Variants in RBFOX1 observed in about 807,000 individuals in gnomAD.
The protein encoded by RBFOX1 is RNA binding protein fox-1 homolog 1.
A neutral mutation model predicts 57.7 loss-of-function variants in RBFOX1; 8 were observed. The observed-to-expected ratio is 0.14, with a 90% CI of 0.08 to 0.25. The LOEUF (loss-of-function observed/expected upper bound fraction) is 0.25, where lower values mean the gene tolerates loss of function less well. RBFOX1 is among the 10% of genes least tolerant of loss of function. The pLI is 1.00. For missense variants in RBFOX1, 611 were observed against 548.5 expected (o/e 1.11, Z -1.14); for synonymous variants, 326 against 222.4 (o/e 1.47, Z -4.15).
In RBFOX1 at chr16:6,509,008, G is replaced by C. The variant is rs577936250; in HGVS notation, c.-63-145595G>C. On this transcript the variant is annotated intron_variant, in intron 2 of 15. Coordinates refer to ENST00000550418, the MANE Select transcript of RBFOX1 (RefSeq NM_018723.4). ...TTTGTAGGATTTAATTTTAATGGCAGTTAAGATCACCCTTCTTCATGGCAC... is the reference window on the plus strand; with the variant it reads ...TTTGTAGGATTTAATTTTAATGGCACTTAAGATCACCCTTCTTCATGGCAC... 1.3e-3 allele frequency among the ~76,000 whole-genome samples: 204 copies of C among 152,298 alleles called. 1 individual carries two copies. Among genetic ancestry groups the C allele is most frequent in the Middle Eastern group, 3.4e-3 (1 of 294 alleles).
At chr16:7,526,067 G>C (rs903108791) in intron 5 of RBFOX1, among the ~76,000 whole-genome samples, 2 of 152,196 alleles carry the variant, frequency 1.3e-5, no homozygotes, top group Admixed American at 6.5e-5. Flanking sequence ...CCTCCTGTCA[G>C]ATCAACAATG....
At chr16:6,791,959 T>G (rs2083049456) in intron 3 of RBFOX1, among the ~76,000 whole-genome samples, 1 of 152,212 alleles carries the variant, frequency 6.6e-6, no homozygotes, top group East Asian at 1.9e-4. Flanking sequence ...CGAATTCTAT[T>G]CCCAAATGTG....
intron 2 of RBFOX1, among the ~76,000 whole-genome samples, chr16:6,550,704 C>A (rs1229507235): frequency 6.6e-6 from 1 of 152,210 alleles, no homozygotes; most frequent in Admixed American, 6.5e-5. Context: ...TCTTCTGCAT[C>A]CCCACTGAAA....
intron 2 of RBFOX1, among the ~76,000 whole-genome samples, chr16:5,546,236 A>G (rs8055180): frequency 0.66 from 100,850 of 152,054 alleles, 34,924 homozygotes; most frequent in East Asian, 0.99. Flanking sequence ...TAAGGTGTCA[A>G]TTCTCCCAAA....
At chr16:7,229,687 GAAGGAAGAGGGGAA>G (rs2152907190) in intron 4 of RBFOX1, among the ~76,000 whole-genome samples, 1 of 87,104 alleles carries the variant, frequency 1.1e-5, no homozygotes, top group Non-Finnish European at 2.7e-5. Context: ...GGAGAGAGAC[GAAGGAAGAGGGGAA>G]GGAAGGAAGG....
At chr16:6,846,044 A>G (rs937937518) in intron 3 of RBFOX1, among the ~76,000 whole-genome samples, 8 of 152,198 alleles carry the variant, frequency 5.3e-5, no homozygotes, top group South Asian at 2.1e-4. Context: ...CTGTCCCTCA[A>G]CAAGCACATC....
At chr16:7,688,260 T>TGTGTGTGTGTGTGTGTGA (rs1319185243) in intron 14 of RBFOX1, among the ~76,000 whole-genome samples, 2 of 125,296 alleles carry the variant, frequency 1.6e-5, no homozygotes, top group African/African-American at 5.9e-5. Flanking sequence ...TGTGTGTGTG[T>TGTGTGTGTGTGTGTGTGA]GAGAGAGAGA....
intron 2 of RBFOX1, among the ~76,000 whole-genome samples, chr16:6,488,430 C>T (rs965813846): frequency 2.0e-5 from 3 of 152,332 alleles, no homozygotes; most frequent in African/African-American, 7.2e-5. Flanking sequence ...TTCCCGGGCA[C>T]TTACTGACTC....
At chr16:5,715,404 G>T (rs2051658292) in intron 3 of RBFOX1, among the ~76,000 whole-genome samples, 1 of 152,166 alleles carries the variant, frequency 6.6e-6, no homozygotes, top group Non-Finnish European at 1.5e-5. Flanking sequence ...GGGACATTCA[G>T]TTGACATGCA....
chr16:7,202,881 G>T (rs1437601957), intron 4 of RBFOX1, among the ~76,000 whole-genome samples: 2 of 152,160 alleles, frequency 1.3e-5, no homozygotes, highest in African/African-American at 4.8e-5. Context: ...CTGAAGTACA[G>T]CCTCAAAGAA....
intron 4 of RBFOX1, among the ~76,000 whole-genome samples, chr16:7,352,820 A>G (rs547637306): frequency 1.6e-3 from 239 of 152,120 alleles, no homozygotes; most frequent in African/African-American, 5.6e-3. Context: ...GGTTCAGGTG[A>G]TCCTCCCACC....
At chr16:6,733,424 C>T (rs993434852) in intron 3 of RBFOX1, among the ~76,000 whole-genome samples, 2 of 152,172 alleles carry the variant, frequency 1.3e-5, no homozygotes, top group African/African-American at 2.4e-5. Flanking sequence ...CCCACTCAGT[C>T]CTACAGCCTT....
intron 3 of RBFOX1, among the ~76,000 whole-genome samples, chr16:6,732,093 T>C (rs1324304584): frequency 6.6e-6 from 1 of 152,208 alleles, no homozygotes; most frequent in Non-Finnish European, 1.5e-5. Context: ...CCTTCATTTC[T>C]CTTTCAGTCT....
chr16:6,941,849 C>G (rs575395721), intron 3 of RBFOX1, among the ~76,000 whole-genome samples: 7 of 152,152 alleles, frequency 4.6e-5, no homozygotes, highest in African/African-American at 1.4e-4. Flanking sequence ...TAACTCTTTC[C>G]CATCTGGAGT....
intron 1 of RBFOX1, among the ~76,000 whole-genome samples, chr16:5,240,423 C>A (rs947110930): frequency 6.6e-6 from 1 of 152,088 alleles, no homozygotes; most frequent in South Asian, 2.1e-4. Context: ...GCGGGGGTTG[C>A]GCTGGGCATC....
At chr16:6,781,192 A>G (rs992376605) in intron 3 of RBFOX1, among the ~76,000 whole-genome samples, 2 of 152,082 alleles carry the variant, frequency 1.3e-5, no homozygotes, top group African/African-American at 4.8e-5. Context: ...ATAGGGACAT[A>G]GTGTTTGGTC....
chr16:7,287,853 C>T (rs2095680951), intron 4 of RBFOX1, among the ~76,000 whole-genome samples: 2 of 152,162 alleles, frequency 1.3e-5, no homozygotes, highest in Admixed American at 1.3e-4. Flanking sequence ...ATATTACCTT[C>T]CCCCACCCAT....
intron 1 of RBFOX1, among the ~76,000 whole-genome samples, chr16:5,455,691 A>G (rs1005472824): frequency 2.6e-5 from 4 of 152,194 alleles, no homozygotes; most frequent in African/African-American, 9.7e-5. Context: ...AGCAACATAG[A>G]CAGGCAGCCC....
intron 4 of RBFOX1, among the ~76,000 whole-genome samples, chr16:5,907,496 G>A (rs1326546860): frequency 1.3e-5 from 2 of 152,016 alleles, no homozygotes; most frequent in Non-Finnish European, 2.9e-5. Flanking sequence ...TCCTTCAGAG[G>A]GCTTGGGCCT....
Sources: gnomAD v4.1 joint callset for allele counts (sites outside exome capture counted in the v4.1 genomes callset) on GRCh38, gnomAD v4.1.1 for gene constraint, MANE v1.5 for transcripts, NCBI Gene and HGNC (gene_info 2026-07-23, HGNC 2026-07-21) for gene names.